The following MGAM2 variants were observed in gnomAD, a reference collection of about 807,000 sequenced individuals.
The protein encoded by MGAM2 is probable maltase-glucoamylase 2.
A neutral mutation model predicts 96.1 loss-of-function variants in MGAM2; 98 were observed. The ratio of observed to expected loss-of-function variants is 1.02; its 90% CI spans 0.87 to 1.21. The LOEUF (loss-of-function observed/expected upper bound fraction) is 1.21. Among genes scored for constraint, MGAM2 ranks in the 50% most tolerant of loss-of-function variants. MGAM2 has a pLI of 0.00. For missense variants in MGAM2, 2,055 were observed against 1,182.4 expected, an observed-to-expected ratio of 1.74 and a Z score of -10.82; for synonymous variants, 749 against 414.8, an observed-to-expected ratio of 1.81 and a Z score of -9.79.
At chr7:142,143,710 C>A (rs543600468) in intron 12 of MGAM2, 59 bp from the exon 13 acceptor site, 12 of 491,318 alleles carry the variant, frequency 2.4e-5, no homozygotes, top group Non-Finnish European at 2.6e-5. Context: ...AAATCACTGT[C>A]GGTCAAAATG....
At chr7:142,137,947 G>T (rs987841797) in intron 9 of MGAM2, among the ~76,000 whole-genome samples, 1 of 152,220 alleles carries the variant, frequency 6.6e-6, no homozygotes, top group African/African-American at 2.4e-5. Flanking sequence ...GGCTGCAGTG[G>T]CTCATGCTTG....
intron 40 of MGAM2, among the ~76,000 whole-genome samples, chr7:142,197,023 A>C (rs757494308): frequency 6.6e-6 from 1 of 152,234 alleles, no homozygotes; most frequent in Non-Finnish European, 1.5e-5. Context: ...GAGAATTACT[A>C]CCCATGAGGA....
intron 1 of MGAM2, among the ~76,000 whole-genome samples, chr7:142,113,551 T>C (rs373005867): frequency 2.6e-5 from 4 of 152,222 alleles, no homozygotes; most frequent in African/African-American, 9.6e-5. Flanking sequence ...TGTGATTCTA[T>C]TCCTCAAGTT....
chr7:142,213,767 C>T (rs1797665382), intron 46 of MGAM2, among the ~76,000 whole-genome samples: 1 of 152,182 alleles, frequency 6.6e-6, no homozygotes, highest in African/African-American at 2.4e-5. Context: ...GGTACCGTTC[C>T]TCCTGAAACT....
At chr7:142,146,886 C>A (rs966279533) in intron 14 of MGAM2, among the ~76,000 whole-genome samples, 2 of 152,078 alleles carry the variant, frequency 1.3e-5, no homozygotes, top group African/African-American at 2.4e-5. Flanking sequence ...CACCACCATG[C>A]CTGGCTAATT....
intron 3 of MGAM2, among the ~76,000 whole-genome samples, chr7:142,126,321 T>C (rs1363234172): frequency 6.6e-6 from 1 of 152,088 alleles, no homozygotes; most frequent in African/African-American, 2.4e-5. Flanking sequence ...GAAATGGGCC[T>C]ATGTATTTTT....
chr7:142,150,067 G>A (rs971013827), intron 15 of MGAM2, among the ~76,000 whole-genome samples: 5 of 151,284 alleles, frequency 3.3e-5, no homozygotes, highest in African/African-American at 1.2e-4. Context: ...TCAGGCTCCT[G>A]AGTAGCTAGG....
chr7:142,171,035 A>C, intron 27 of MGAM2: 1 of 548,056 alleles, frequency 1.8e-6, no homozygotes, highest in Non-Finnish European at 3.3e-6. Context: ...GCCCTTGCCC[A>C]CAAGGACCCA....
intron 32 of MGAM2, among the ~76,000 whole-genome samples, chr7:142,178,781 A>G (rs556765072): frequency 1.2e-4 from 18 of 152,116 alleles, no homozygotes; most frequent in Non-Finnish European, 2.5e-4. Flanking sequence ...GAATTTTAGA[A>G]TAGTTTTTCT....
chr7:142,176,977 ATTTG>A (rs1796398591), intron 32 of MGAM2, among the ~76,000 whole-genome samples: 1 of 152,024 alleles, frequency 6.6e-6, no homozygotes, highest in Non-Finnish European at 1.5e-5. Context: ...CATCTTATTT[ATTTG>A]TTTATTTAAA....
At chr7:142,136,684 A>G in intron 8 of MGAM2, 44 bp downstream of exon 8, 2 of 653,172 alleles carry the variant, frequency 3.1e-6, no homozygotes, top group Non-Finnish European at 5.5e-6. Flanking sequence ...AATACGTTTT[A>G]GGATTCTGCT....
rs1029473501 is a variant in MGAM2 at position 142,186,215 on chromosome 7, G to A, written c.4122+92G>A. ...AGAGACTAGCAAAGCAGAGACATAG[G>A]GCTGAAGAGATGAAAGGGAGAATCT... On this transcript the variant is annotated intron_variant, in intron 35 of 47. Transcript: ENST00000477922. 3 of 646,288 alleles carry A rather than the reference G, an allele frequency of 4.6e-6. No homozygotes were observed. In the African/African-American group the frequency reaches 5.5e-5, roughly 12 times the overall value. The allele number at this position is 646,288 out of a possible 1,614,324, so 40.0% of individuals were successfully genotyped here.
Position 142,166,378 on chromosome 7 carries a change from A to G in MGAM2, c.2808+125A>G, listed in dbSNP as rs61528819. 7.3e-6 allele frequency: 4 copies of G among 549,274 alleles called. No homozygotes were observed. The African/African-American group carries it at 7.6e-5, about 10-fold the overall frequency. The allele number at this position is 549,274 out of a possible 1,614,324, so 34.0% of individuals were successfully genotyped here. ...GTGCAACACGCCTTTTGCCAACTCTACATGATAGGTCATCAGTATTTTCCT... is the reference window on the plus strand; with the variant it reads ...GTGCAACACGCCTTTTGCCAACTCTGCATGATAGGTCATCAGTATTTTCCT... On this transcript the variant is annotated intron_variant, in intron 25 of 47. Coordinates refer to ENST00000477922, the MANE Select transcript of MGAM2 (RefSeq NM_001293626.2).
chr7:142,196,101 C>T, intron 37 of MGAM2, 53 bp from the exon 38 acceptor site: 2 of 773,144 alleles, frequency 2.6e-6, no homozygotes, highest in African/African-American at 1.7e-5. Flanking sequence ...TGCAGTTATT[C>T]TCTGTAAAGG....
intron 45 of MGAM2, among the ~76,000 whole-genome samples, chr7:142,203,771 C>G (rs929843239): frequency 6.6e-6 from 1 of 151,902 alleles, no homozygotes; most frequent in African/African-American, 2.4e-5. Context: ...ATAAATGGTA[C>G]TGGGACAACT....
intron 3 of MGAM2, among the ~76,000 whole-genome samples, chr7:142,123,114 G>A (rs114377843): frequency 3.3e-5 from 5 of 151,676 alleles, no homozygotes; most frequent in South Asian, 2.1e-4. Flanking sequence ...GAGCCACCGC[G>A]CCCGACCTCA....
rs1307909196 is a variant in MGAM2, at chr7:142,130,890, C to T, written c.187-58C>T. On this transcript the variant is annotated intron_variant, in intron 3 of 47. Transcript: ENST00000477922. ...ATAAAATGGGTTATAAATAAATAGA[C>T]AGATAATACTTTCCTTCCCTCAGTT... 4.4e-6 allele frequency: 3 copies of T among 675,178 alleles called. No individual in the cohort carries two copies. The South Asian group carries it at 4.6e-5, about 10-fold the overall frequency. The allele number at this position is 675,178 out of a possible 1,614,324, so 41.8% of individuals were successfully genotyped here. A position where few individuals can be genotyped will look rare whatever the true frequency, so the allele number is the denominator to read the frequency against.
intron 46 of MGAM2, among the ~76,000 whole-genome samples, chr7:142,211,902 G>C (rs528183171): frequency 6.6e-6 from 1 of 152,252 alleles, no homozygotes; most frequent in South Asian, 2.1e-4. Context: ...GATTCACCAA[G>C]GTTGAAATGA....
chr7:142,138,589 G>A lies in MGAM2; in HGVS notation c.1008G>A (p.Gln336=), dbSNP rs1033284272. 3 of 703,114 alleles carry A rather than the reference G, an allele frequency of 4.3e-6. No individual in the cohort carries two copies. The highest frequency in any genetic ancestry group is 2.3e-4 in the Middle Eastern group (1 of 4,396). 43.6% of individuals were successfully genotyped at this position (703,114 alleles called of 1,614,324 possible). A position where few individuals can be genotyped will look rare whatever the true frequency, so the allele number is the denominator to read the frequency against. ...CTCCCTATTGGAGTCTTGGGTTCCA[G>A]CTTAGTCGCAGGGACTATGGTGGCA... The part of the protein sequence containing the change: ...FFPPYWSLGF[Q]LSRRDYGGIN... Residue 336 remains glutamine (Q), a synonymous_variant, in exon 10 of 48, where the codon CAG becomes CAA. Coordinates refer to ENST00000477922, the MANE Select transcript of MGAM2 (RefSeq NM_001293626.2).
Sources: gnomAD v4.1 joint callset for allele counts (sites outside exome capture counted in the v4.1 genomes callset) on GRCh38, gnomAD v4.1.1 for gene constraint, MANE v1.5 for transcripts, NCBI Gene and HGNC (gene_info 2026-07-23, HGNC 2026-07-21) for gene names.